The following HS1BP3 variants were observed in gnomAD, a reference collection of about 807,000 sequenced individuals.
HS1BP3 encodes HCLS1-binding protein 3.
In HS1BP3, 32 loss-of-function variants were observed where a neutral mutation model predicts 33.5. The ratio of observed to expected loss-of-function variants is 0.95; its 90% confidence interval spans 0.72 to 1.28. The LOEUF (loss-of-function observed/expected upper bound fraction) is 1.28. Ranked by LOEUF, HS1BP3 falls within the 50% of genes most tolerant of loss-of-function variation. HS1BP3 has a pLI of 0.00. For missense variants in HS1BP3, 486 were observed against 502.3 expected, an observed-to-expected ratio of 0.97 and a Z score of 0.31; for synonymous variants, 187 against 209.2, an observed-to-expected ratio of 0.89 and a Z score of 0.92.
chr2:20,631,610 C>T (rs1694971586), intron 4 of HS1BP3, among the ~76,000 whole-genome samples: 1 of 149,244 alleles, frequency 6.7e-6, no homozygotes, highest in African/African-American at 2.5e-5. Flanking sequence ...TCCCCAGAGT[C>T]ACATTCCAAG....
chr2:20,566,958 G>C (rs2149271102), intron 5 of HS1BP3, among the ~76,000 whole-genome samples: 1 of 151,942 alleles, frequency 6.6e-6, no homozygotes, highest in Non-Finnish European at 1.5e-5. Flanking sequence ...TACCCTTCTA[G>C]CCCCTGAACC....
chr2:20,650,355 A>T (rs2149306292), intron 1 of HS1BP3, among the ~76,000 whole-genome samples: 1 of 152,358 alleles, frequency 6.6e-6, no homozygotes, highest in African/African-American at 2.4e-5. Context: ...CAGCCTTGCC[A>T]GGATCCACCT....
At chr2:20,640,413 C>A in intron 3 of HS1BP3, 1 of 211,876 alleles carries the variant, frequency 4.7e-6, no homozygotes. Context: ...AAGACAGGGC[C>A]AGGACACCCA....
chr2:20,632,836 C>T (rs1405798194), intron 4 of HS1BP3, among the ~76,000 whole-genome samples: 4 of 152,150 alleles, frequency 2.6e-5, no homozygotes, highest in South Asian at 2.1e-4. Context: ...ACAGGTGTAC[C>T]GGCGCTCCTG....
At chr2:20,616,003 C>T (rs1377193193), downstream of HS1BP3, among the ~76,000 whole-genome samples, 2 of 152,228 alleles carry the variant, frequency 1.3e-5, no homozygotes, top group South Asian at 2.1e-4. Context: ...GGCCTGAGTT[C>T]CCGGCTTCCT....
intron 2 of HS1BP3, among the ~76,000 whole-genome samples, chr2:20,642,334 G>A (rs1695379125): frequency 6.8e-6 from 1 of 146,968 alleles, no homozygotes; most frequent in Admixed American, 6.9e-5. Context: ...TGCCCAGCCT[G>A]TGAAGGGTCA....
intron 5 of HS1BP3, among the ~76,000 whole-genome samples, chr2:20,560,794 C>T (rs1692972962): frequency 6.6e-6 from 1 of 152,122 alleles, no homozygotes; most frequent in Non-Finnish European, 1.5e-5. Flanking sequence ...GCAGGCAGGT[C>T]CCAAAGCGGT....
intron 2 of HS1BP3, among the ~76,000 whole-genome samples, chr2:20,599,389 C>T (rs951103358): frequency 1.3e-5 from 2 of 152,222 alleles, no homozygotes; most frequent in African/African-American, 2.4e-5. Context: ...GGGCTCGTGC[C>T]CAGTTAGGGA....
intron 2 of HS1BP3, among the ~76,000 whole-genome samples, chr2:20,605,945 A>G (rs971286206): frequency 2.0e-5 from 3 of 152,156 alleles, no homozygotes; most frequent in African/African-American, 7.2e-5. Flanking sequence ...CCTGTCTTCA[A>G]TTCTTTGGGG....
Position 20,637,381 on chromosome 2 carries a change from C to G in HS1BP3, c.623+1055G>C, listed in dbSNP as rs369203048. 14 of 152,390 alleles carry G rather than the reference C, an allele frequency of 9.2e-5. 1 individual carries two copies. Among genetic ancestry groups the G allele is most frequent in the African/African-American group, 3.4e-4 (14 of 41,592 alleles). 9.4% of individuals were successfully genotyped at this position (152,390 alleles called of 1,614,324 possible). Reference sequence around the variant, plus strand: ...GCTTGTCCCCATATCACCCACTACTCTGGCTGCCTCTCCCTCAGGGCCGCT... The same window carrying G: ...GCTTGTCCCCATATCACCCACTACTGTGGCTGCCTCTCCCTCAGGGCCGCT... On this transcript the variant is annotated intron_variant, in intron 4 of 6. Coordinates refer to ENST00000304031, the MANE Select transcript of HS1BP3 (RefSeq NM_022460.4).
chr2:20,598,256 A>C (rs143906459), exon 3 of HS1BP3: 4 of 428,748 alleles, frequency 9.3e-6, no homozygotes, highest in Non-Finnish European at 1.9e-5. Flanking sequence ...CTGCAACTAG[A>C]TGGTCCCACC....
intron 4 of HS1BP3, among the ~76,000 whole-genome samples, chr2:20,625,743 G>C (rs1203791637): frequency 2.6e-5 from 4 of 152,176 alleles, no homozygotes; most frequent in Non-Finnish European, 4.4e-5. Context: ...TAAGAAACCA[G>C]GACGGGGCAG....
chr2:20,576,594 G>A (rs536140340), intron 5 of HS1BP3, among the ~76,000 whole-genome samples: 4 of 152,314 alleles, frequency 2.6e-5, no homozygotes, highest in African/African-American at 9.6e-5. Flanking sequence ...GAACAGGATC[G>A]CCTCCCTCAT....
intron 5 of HS1BP3, among the ~76,000 whole-genome samples, chr2:20,586,927 C>T (rs1433401827): frequency 6.6e-6 from 1 of 152,108 alleles, no homozygotes; most frequent in African/African-American, 2.4e-5. Flanking sequence ...TTGGTGTTAC[C>T]ATAAGCTGGT....
chr2:20,578,766 G>A (rs1442045178), intron 5 of HS1BP3, among the ~76,000 whole-genome samples: 2 of 152,208 alleles, frequency 1.3e-5, no homozygotes, highest in African/African-American at 4.8e-5. Flanking sequence ...GGACAGGGGA[G>A]GAAACTGAGG....
rs139524263 is a variant in HS1BP3, at chr2:20,565,072, C to T, written c.303-4557G>A. Among the ~76,000 whole-genome samples the T allele has an allele frequency of 4.6e-3, 704 of 152,302 alleles. 6 individuals are homozygous for T. Among genetic ancestry groups the T allele is most frequent in the African/African-American group, 0.016 (659 of 41,568 alleles). On this transcript the variant is annotated intron_variant, in intron 5 of 5. Transcript: ENST00000446825. The stretch of plus-strand genomic sequence containing the variant: ...GGCCTTAACCTGCCAAATGCTGGAG[C>T]TTGAGAGCAGGTTACCCACTTCTTC...
At chr2:20,569,312 T>C (rs149833668) in intron 5 of HS1BP3, among the ~76,000 whole-genome samples, 2 of 152,172 alleles carry the variant, frequency 1.3e-5, no homozygotes, top group Non-Finnish European at 2.9e-5. Context: ...CTCAGGAAGT[T>C]ACGTATTTTG....
chr2:20,627,071 C>T (rs1210350822), intron 4 of HS1BP3, among the ~76,000 whole-genome samples: 1 of 152,234 alleles, frequency 6.6e-6, no homozygotes, highest in East Asian at 1.9e-4. Flanking sequence ...GTCAGCCAGG[C>T]TCGCAGCCAC....
intron 3 of HS1BP3, 153 bp downstream of exon 3, chr2:20,640,820 C>T (rs1695316031): frequency 1.4e-6 from 1 of 724,230 alleles, no homozygotes; most frequent in Admixed American, 2.4e-5. Flanking sequence ...CACCATCCAG[C>T]CAAGGATGTC....
Sources: allele counts gnomAD v4.1 joint callset (sites outside exome capture counted in the v4.1 genomes callset), GRCh38; gene constraint gnomAD v4.1.1; transcripts MANE v1.5; gene names NCBI Gene and HGNC (gene_info 2026-07-23, HGNC 2026-07-21).